Variants in TCF20 observed in about 807,000 individuals in gnomAD.
TCF20 encodes the protein SPRE-binding protein.
In TCF20, 3 loss-of-function variants were observed where a neutral mutation model predicts 148.6. The observed-to-expected ratio is 0.02, with a 90% CI of 0.01 to 0.05. The LOEUF is 0.05. Ranked by LOEUF, TCF20 falls within the 10% of genes least tolerant of loss-of-function variation. TCF20 has a pLI of 1.00. For synonymous variants in TCF20, 1,049 were observed against 909.5 expected (o/e 1.15, Z -2.76); for missense variants, 2,350 against 2,429.3 (o/e 0.97, Z 0.69).
At position 42,215,086 on chromosome 22, in the gene TCF20, A is replaced by G. The variant is rs1205483259; in HGVS notation, c.220T>C (p.Ser74Pro). 1.9e-6 allele frequency: 3 copies of G among 1,614,188 alleles called. No homozygotes were observed. The highest frequency in any genetic ancestry group is 1.6e-4 in the Middle Eastern group (1 of 6,062). ...AAAAAMASETSGHQGYQGFRK... is the reference protein window; with the variant it reads ...AAAAAMASETPGHQGYQGFRK... ...AAACCCTGGTAACCTTGATGGCCAG[A>G]GGTCTCGCTAGCCATCGCTGCCGCA... The change falls in exon 2 of 6, where the codon TCT becomes CCT. Residue 74 changes from serine to proline, a missense_variant. Physicochemically the swap from Ser to Pro is moderately conservative, Grantham distance 74 (BLOSUM62 -1). Transcript: ENST00000677622.
chr22:42,284,332 TC>T (rs1449228188), upstream of TCF20, among the ~76,000 whole-genome samples: 1 of 152,262 alleles, frequency 6.6e-6, no homozygotes, highest in Non-Finnish European at 1.5e-5. Context: ...CAGGTGAGAA[TC>T]GCAGCTCACT....
chr22:42,168,819 T>C (rs1465812181), intron 4 of TCF20, 83 bp from the exon 5 acceptor site: 4 of 1,451,988 alleles, frequency 2.8e-6, no homozygotes, highest in East Asian at 2.6e-5. Flanking sequence ...AGGACAGGAG[T>C]GGCACATGGA....
chr22:42,184,589 C>A (rs764101733), intron 2 of TCF20, among the ~76,000 whole-genome samples: 9 of 152,080 alleles, frequency 5.9e-5, no homozygotes, highest in Non-Finnish European at 1.2e-4. Flanking sequence ...AGCTAAATGT[C>A]CTTTGTTTTT....
At position 42,214,491 on chromosome 22, in the gene TCF20, T is replaced by G. The variant is rs1028443077; in HGVS notation, c.815A>C (p.Tyr272Ser). ...ATTAGAACCCACATTGTGTCCTTCA[T>G]ACTGAGATCCAGCATTCACATTGTA... is the stretch of plus-strand genomic sequence containing the variant. ...GSYNVNAGSQ[Y>S]EGHNVGSNAQ... The change falls in exon 2 of 6, where the codon TAT (tyrosine) becomes TCT (serine). Residue 272 changes from tyrosine (Y) to serine (S), a missense_variant. Physicochemically the swap from Tyr to Ser is moderately radical, Grantham distance 144. Around this residue, in one of 7 missense-constraint regions of TCF20, gnomAD observed 1,641 missense variants for 1,662.6 expected, o/e 0.99. Coordinates refer to ENST00000677622, the MANE Select transcript of TCF20 (RefSeq NM_001378418.1). The G allele has an allele frequency of 6.2e-7, 1 of 1,614,194 alleles. No individual in the cohort carries two copies. The highest frequency in any genetic ancestry group is 2.2e-5 in the East Asian group (1 of 44,886).
intron 5 of TCF20, among the ~76,000 whole-genome samples, chr22:42,165,923 GACAC>G (rs1450984730): frequency 2.6e-5 from 4 of 152,230 alleles, no homozygotes; most frequent in Admixed American, 1.3e-4. Context: ...CTAGGAGGCA[GACAC>G]ACACGCACAT....
chr22:42,318,437 G>A (rs1344222145), intron 1 of TCF20, among the ~76,000 whole-genome samples: 4 of 152,220 alleles, frequency 2.6e-5, no homozygotes, highest in African/African-American at 9.6e-5. Flanking sequence ...GGAGGAGGAG[G>A]AGGGAGGAGT....
rs1921078914 is a variant in TCF20, at chr22:42,212,480, G to T, written c.2826C>A (p.Phe942Leu). Residue 942 changes from phenylalanine to leucine, a missense_variant, in exon 2 of 6, where the codon TTC (phenylalanine) becomes TTA (leucine). Around this residue, in one of 7 missense-constraint regions of TCF20, gnomAD observed 1,641 missense variants for 1,662.6 expected, o/e 0.99. Coordinates refer to ENST00000677622, the MANE Select transcript of TCF20 (RefSeq NM_001378418.1). ...DFEQSKSQAS[F>L]NNKKSGDHCH... ...AGTGGTCTCCAGATTTCTTGTTGTT[G>T]AAACTAGCTTGAGATTTAGACTGTT... 3.1e-6 allele frequency: 5 copies of T among 1,614,194 alleles called. No individual in the cohort carries two copies. Among genetic ancestry groups the T allele is most frequent in the Middle Eastern group, 1.6e-4 (1 of 6,062 alleles).
At chr22:42,313,295 G>A (rs1220336694) in intron 1 of TCF20, among the ~76,000 whole-genome samples, 1 of 152,202 alleles carries the variant, frequency 6.6e-6, no homozygotes, top group African/African-American at 2.4e-5. Flanking sequence ...TGGACAAGGC[G>A]AGGTTCTCAA....
At chr22:42,306,520 GGC>G (rs1240766338) in intron 1 of TCF20, among the ~76,000 whole-genome samples, 2 of 152,196 alleles carry the variant, frequency 1.3e-5, no homozygotes, top group African/African-American at 2.4e-5. Flanking sequence ...GCAGGCAGTG[GGC>G]CTCCACTGTG....
intron 1 of TCF20, among the ~76,000 whole-genome samples, chr22:42,312,990 T>C (rs1337859776): frequency 6.6e-6 from 1 of 152,154 alleles, no homozygotes; most frequent in Non-Finnish European, 1.5e-5. Context: ...TGTCCAGGAA[T>C]GCTCAGGACA....
At chr22:42,323,960 T>A (rs1454131615) in intron 1 of TCF20, among the ~76,000 whole-genome samples, 2 of 105,770 alleles carry the variant, frequency 1.9e-5, no homozygotes, top group Non-Finnish European at 4.0e-5. Flanking sequence ...GTTATGGTGG[T>A]GGTGGTGATG....
chr22:42,328,620 C>G (rs1480352441), intron 1 of TCF20, among the ~76,000 whole-genome samples: 1 of 152,232 alleles, frequency 6.6e-6, no homozygotes, highest in African/African-American at 2.4e-5. Context: ...TCACCCACGC[C>G]CTGAGCAAGT....
intron 1 of TCF20, among the ~76,000 whole-genome samples, chr22:42,281,297 C>G (rs1769759733): frequency 6.6e-6 from 1 of 152,222 alleles, no homozygotes; most frequent in Admixed American, 6.5e-5. Context: ...GCAGCTAGAA[C>G]AAGCCAGCTT....
intron 1 of TCF20, among the ~76,000 whole-genome samples, chr22:42,291,421 C>T (rs1211192005): frequency 6.6e-6 from 1 of 152,194 alleles, no homozygotes; most frequent in Non-Finnish European, 1.5e-5. Context: ...AGAGTCTCGA[C>T]CAGGGTAGAC....
intron 1 of TCF20, among the ~76,000 whole-genome samples, chr22:42,226,892 G>A (rs969556529): frequency 1.3e-5 from 2 of 152,138 alleles, no homozygotes; most frequent in South Asian, 4.1e-4. Flanking sequence ...GGTATAGCTA[G>A]ATAAAAAGGG....
At chr22:42,283,921 G>C (rs1926970945) in exon 1 of TCF20, among the ~76,000 whole-genome samples, 1 of 152,284 alleles carries the variant, frequency 6.6e-6, no homozygotes. Context: ...CGAGGCGGGG[G>C]AGGAGGGGAA....
rs751084964 is a variant in TCF20, at chr22:42,214,736, G to C, written c.570C>G (p.Ser190=). The change falls in exon 2 of 6, where the codon TCC becomes TCG. Residue 190 remains serine, a synonymous_variant. Coordinates refer to ENST00000677622, the MANE Select transcript of TCF20 (RefSeq NM_001378418.1). ...VQQLRQQLYQ[S]HQPLPQATGQ... is the part of the protein sequence containing the mutation. ...CAGTGGCCTGTGGCAGGGGCTGATG[G>C]GACTGGTAAAGCTGTTGTCTCAACT... 1.9e-6 allele frequency: 3 copies of C among 1,614,046 alleles called. No individual in the cohort carries two copies. The South Asian group carries it at 3.3e-5, about 18-fold the overall frequency.
chr22:42,226,936 T>G (rs1922962389), intron 1 of TCF20, among the ~76,000 whole-genome samples: 1 of 152,170 alleles, frequency 6.6e-6, no homozygotes, highest in Admixed American at 6.6e-5. Flanking sequence ...CTCCACATAT[T>G]AGTTTATAAA....
chr22:42,195,883 G>C (rs1304517604), intron 2 of TCF20, among the ~76,000 whole-genome samples: 1 of 152,106 alleles, frequency 6.6e-6, no homozygotes, highest in Admixed American at 6.5e-5. Context: ...TTGCTTCTAC[G>C]TGTCTCTTAA....
Sources: gnomAD v4.1 joint callset for allele counts (sites outside exome capture counted in the v4.1 genomes callset) on GRCh38, gnomAD v4.1.1 for gene constraint, gnomAD v4.1.1 regional missense constraint, MANE v1.5 for transcripts, NCBI Gene and HGNC (gene_info 2026-07-23, HGNC 2026-07-21) for gene names.